SLC2A13: variants seen among roughly 807,000 people sequenced by gnomAD.
SLC2A13 encodes the protein proton myo-inositol cotransporter.
SLC2A13 carries 32 observed loss-of-function variants against 64.4 expected under a neutral mutation model. The ratio of observed to expected loss-of-function variants is 0.50; its 90% CI spans 0.37 to 0.67. The LOEUF (loss-of-function observed/expected upper bound fraction) is 0.67. Among genes scored for constraint, SLC2A13 ranks in the 30% least tolerant of loss-of-function variants. SLC2A13 has a pLI of 0.00. For synonymous variants in SLC2A13, 338 were observed against 327.1 expected (o/e 1.03, Z -0.36); for missense variants, 743 against 829.2 (o/e 0.90, Z 1.28).
intron 3 of SLC2A13, among the ~76,000 whole-genome samples, chr12:39,962,119 G>A: frequency 6.6e-6 from 1 of 152,030 alleles, no homozygotes; most frequent in Non-Finnish European, 1.5e-5. Flanking sequence ...CCTGAGAAAA[G>A]CCCTATGGAT....
intron 4 of SLC2A13, among the ~76,000 whole-genome samples, chr12:39,937,455 G>T (rs562476297): frequency 2.4e-4 from 37 of 152,232 alleles, no homozygotes; most frequent in African/African-American, 8.2e-4. Flanking sequence ...ATATATTGGG[G>T]ACAAGGTTCT....
chr12:39,791,243 T>C (rs1941393461), intron 7 of SLC2A13, among the ~76,000 whole-genome samples: 1 of 144,586 alleles, frequency 6.9e-6, no homozygotes, highest in Non-Finnish European at 1.5e-5. Flanking sequence ...AAGAGCTATC[T>C]ATGACAAACC....
At position 39,801,065 on chromosome 12, in the gene SLC2A13, G is replaced by GA. The variant is rs1412311023; in HGVS notation, c.1445+29037dup. Among the ~76,000 whole-genome samples, 4 of 29,430 alleles carry GA rather than the reference G, an allele frequency of 1.4e-4. No homozygotes were observed. The East Asian group carries it at 2.8e-3, about 20-fold the overall frequency. The allele number at this position is 29,430 out of a possible 152,430, so 19.3% of individuals were successfully genotyped here. A position where few individuals can be genotyped will look rare whatever the true frequency, so the allele number is the denominator to read the frequency against. Reference sequence around the variant, plus strand: ...GAACAATGAGATCACATGGACACAGGAGGGGGAATATCACACTCTGGGGAC... The same window carrying GA: ...GAACAATGAGATCACATGGACACAGGAAGGGGGAATATCACACTCTGGGGAC... On this transcript the variant is annotated intron_variant, in intron 7 of 9. Coordinates refer to ENST00000280871, the MANE Select transcript of SLC2A13 (RefSeq NM_052885.4).
chr12:39,840,981 C>G (rs1419978601), intron 6 of SLC2A13, among the ~76,000 whole-genome samples: 1 of 152,072 alleles, frequency 6.6e-6, no homozygotes, highest in Non-Finnish European at 1.5e-5. Context: ...ATGAAGATAA[C>G]AAGATTGAAG....
intron 7 of SLC2A13, among the ~76,000 whole-genome samples, chr12:39,810,464 C>T (rs988408519): frequency 6.6e-6 from 1 of 152,078 alleles, no homozygotes; most frequent in African/African-American, 2.4e-5. Flanking sequence ...CCTTTCCAAA[C>T]TGTATGCCTT....
rs143860004 is a variant in SLC2A13 at position 40,028,371 on chromosome 12, G to A, written c.855C>T (p.Asn285=). The change falls in exon 3 of 10, where the codon AAC becomes AAT. Residue 285 remains asparagine, a synonymous_variant. Transcript: ENST00000280871. Reference sequence around the variant, plus strand: ...TATCATATTCCTCATCAATGGTCTGGTTACCACGCATCTGAGATAAAATTC... The same window carrying A: ...TATCATATTCCTCATCAATGGTCTGATTACCACGCATCTGAGATAAAATTC... ...ARRILSQMRG[N]QTIDEEYDSI... 4 of 1,613,798 alleles carry A rather than the reference G, an allele frequency of 2.5e-6. No homozygotes were observed. Among genetic ancestry groups the A allele is most frequent in the East Asian group, 2.2e-5 (1 of 44,866 alleles).
intron 3 of SLC2A13, among the ~76,000 whole-genome samples, chr12:39,993,006 C>T (rs181362888): frequency 7.7e-4 from 117 of 152,278 alleles, no homozygotes; most frequent in African/African-American, 2.7e-3. Flanking sequence ...AGTACAGTTA[C>T]ATATACATAC....
At chr12:39,930,221 G>A (rs1296437297) in intron 4 of SLC2A13, among the ~76,000 whole-genome samples, 2 of 151,914 alleles carry the variant, frequency 1.3e-5, no homozygotes, top group African/African-American at 4.8e-5. Flanking sequence ...ATAACTGTAT[G>A]AGCCATTTCA....
At chr12:40,068,081 T>C (rs192059010) in intron 1 of SLC2A13, among the ~76,000 whole-genome samples, 9 of 152,206 alleles carry the variant, frequency 5.9e-5, no homozygotes, top group Admixed American at 6.5e-5. Flanking sequence ...TTATTTTTCG[T>C]TTTATTTTTA....
intron 6 of SLC2A13, among the ~76,000 whole-genome samples, chr12:39,840,179 G>C (rs1041639036): frequency 2.0e-5 from 3 of 151,902 alleles, no homozygotes; most frequent in Non-Finnish European, 4.4e-5. Context: ...TTACAGGCAC[G>C]TGCAACCATG....
At chr12:39,992,866 T>C (rs1363792263) in intron 3 of SLC2A13, among the ~76,000 whole-genome samples, 5 of 152,222 alleles carry the variant, frequency 3.3e-5, no homozygotes, top group South Asian at 2.1e-4. Flanking sequence ...ATTACTACCA[T>C]TTTCTCACAC....
At chr12:40,092,674 T>A (rs2136298531) in intron 1 of SLC2A13, among the ~76,000 whole-genome samples, 1 of 152,330 alleles carries the variant, frequency 6.6e-6, no homozygotes, top group Non-Finnish European at 1.5e-5. Context: ...TTATAGAATC[T>A]GAAACGTGGA....
chr12:39,831,578 T>C (rs1942851671), intron 6 of SLC2A13, among the ~76,000 whole-genome samples: 1 of 152,164 alleles, frequency 6.6e-6, no homozygotes, highest in Non-Finnish European at 1.5e-5. Flanking sequence ...ATAGGGTTTT[T>C]ATGTTGGTCC....
chr12:39,800,451 T>G (rs1191944952), intron 7 of SLC2A13, among the ~76,000 whole-genome samples: 2 of 142,764 alleles, frequency 1.4e-5, no homozygotes, highest in East Asian at 2.1e-4. Flanking sequence ...GAACAGACAC[T>G]TCTCAAAAGA....
At chr12:39,924,990 C>T (rs1945694498) in intron 4 of SLC2A13, among the ~76,000 whole-genome samples, 1 of 150,828 alleles carries the variant, frequency 6.6e-6, no homozygotes. Flanking sequence ...TAAAACATAC[C>T]AGATGAATAA....
Position 40,023,967 on chromosome 12 carries a change from A to G in SLC2A13, c.925+4334T>C, listed in dbSNP as rs1344081868. Among the ~76,000 whole-genome samples the G allele has an allele frequency of 1.3e-4, 20 of 152,222 alleles. 1 individual carries two copies. The highest frequency in any genetic ancestry group is 1.3e-3 in the Admixed American group (20 of 15,282). On this transcript the variant is annotated intron_variant, in intron 3 of 9. Transcript: ENST00000280871. ...TCTAGGATAAAGCAGAAAAATTCAA[A>G]TATATTTGAGCTTACCACAGCTGCT...
chr12:39,895,074 G>C (rs1565525135), intron 4 of SLC2A13, among the ~76,000 whole-genome samples: 1 of 151,914 alleles, frequency 6.6e-6, no homozygotes, highest in Non-Finnish European at 1.5e-5. Context: ...TCACTATGTT[G>C]TCCAGGCTGG....
chr12:39,837,426 A>G (rs1480691566), intron 6 of SLC2A13, among the ~76,000 whole-genome samples: 2 of 135,884 alleles, frequency 1.5e-5, no homozygotes, highest in East Asian at 2.2e-4. Flanking sequence ...GGACATAGGC[A>G]TGGGCAAGGA....
At chr12:39,810,376 T>G (rs1356585600) in intron 7 of SLC2A13, among the ~76,000 whole-genome samples, 4 of 152,214 alleles carry the variant, frequency 2.6e-5, no homozygotes, top group Non-Finnish European at 5.9e-5. Flanking sequence ...TGACCTTTTT[T>G]GAGACTTTGT....
Sources: gnomAD v4.1 joint callset for allele counts (sites outside exome capture counted in the v4.1 genomes callset) on GRCh38, gnomAD v4.1.1 for gene constraint, MANE v1.5 for transcripts, NCBI Gene and HGNC (gene_info 2026-07-23, HGNC 2026-07-21) for gene names.